The following RBM19 variants were observed in gnomAD, a reference collection of about 807,000 sequenced individuals.
RBM19 encodes the protein probable RNA-binding protein 19.
RBM19 carries 94 observed loss-of-function variants against 116.8 expected under a neutral mutation model. That is an observed-to-expected ratio of 0.80 (90% confidence interval 0.68 to 0.95). The LOEUF is 0.95. Ranked by LOEUF, RBM19 falls within the 40% of genes least tolerant of loss-of-function variation. RBM19 has a pLI of 0.00. For missense variants in RBM19, 1,161 were observed against 1,220.7 expected (o/e 0.95, Z 0.73); for synonymous variants, 475 against 494.1 (o/e 0.96, Z 0.51).
At chr12:113,838,816 G>C (rs1017003702) in intron 23 of RBM19, among the ~76,000 whole-genome samples, 2 of 152,238 alleles carry the variant, frequency 1.3e-5, no homozygotes, top group African/African-American at 2.4e-5. Flanking sequence ...GAGCTGGGAA[G>C]CTGAGCCCAG....
chr12:113,879,249 G>T (rs538113817), intron 21 of RBM19, among the ~76,000 whole-genome samples: 3 of 152,036 alleles, frequency 2.0e-5, no homozygotes, highest in Admixed American at 2.0e-4. Context: ...TGCATGTTAT[G>T]TTCATTGCAG....
intron 21 of RBM19, among the ~76,000 whole-genome samples, chr12:113,909,353 T>TTGGCCTCCTG (rs554668668): frequency 0.012 from 1,824 of 152,228 alleles, 12 homozygotes; most frequent in South Asian, 0.022. Context: ...ACTCCTAGCT[T>TTGGCCTCCTG]CAAAGGATCC....
At chr12:113,917,360 T>C (rs1433132961) in intron 20 of RBM19, among the ~76,000 whole-genome samples, 2 of 152,204 alleles carry the variant, frequency 1.3e-5, no homozygotes, top group Non-Finnish European at 2.9e-5. Context: ...AAGTCACCCA[T>C]GCAAGGTCAC....
intron 23 of RBM19, among the ~76,000 whole-genome samples, chr12:113,841,097 T>A (rs1360054649): frequency 6.6e-6 from 1 of 152,148 alleles, no homozygotes. Context: ...TCAGAGGGAC[T>A]CAGAGGGGTG....
At chr12:113,950,879 C>A (rs1467778572) in intron 8 of RBM19, among the ~76,000 whole-genome samples, 1 of 152,102 alleles carries the variant, frequency 6.6e-6, no homozygotes, top group Non-Finnish European at 1.5e-5. Flanking sequence ...TAAACATCTT[C>A]CGTCCTTTTC....
intron 21 of RBM19, among the ~76,000 whole-genome samples, chr12:113,862,671 T>C (rs1052707778): frequency 8.6e-5 from 13 of 152,038 alleles, no homozygotes; most frequent in African/African-American, 3.1e-4. Context: ...CACCAGGGAC[T>C]GGGGAGGAAG....
intron 21 of RBM19, among the ~76,000 whole-genome samples, chr12:113,891,339 C>T (rs959692464): frequency 2.0e-5 from 3 of 152,218 alleles, no homozygotes; most frequent in Admixed American, 6.5e-5. Flanking sequence ...AACATTAGCA[C>T]AACTTGTTTA....
intron 16 of RBM19, among the ~76,000 whole-genome samples, chr12:113,933,840 G>A (rs1869826790): frequency 6.6e-6 from 1 of 152,252 alleles, no homozygotes; most frequent in Non-Finnish European, 1.5e-5. Flanking sequence ...AGTTCCTGGG[G>A]AAGGGGGTCT....
intron 13 of RBM19, among the ~76,000 whole-genome samples, chr12:113,944,878 T>C (rs1053581631): frequency 1.4e-5 from 2 of 144,088 alleles, no homozygotes; most frequent in African/African-American, 5.2e-5. Context: ...TATATATATA[T>C]ACACATTTAT....
At position 113,959,406 on chromosome 12, in the gene RBM19, T is replaced by C; in HGVS notation, c.379-2A>G. On this transcript the variant is annotated splice_acceptor_variant, in intron 4 of 23. Coordinates refer to ENST00000261741, the MANE Select transcript of RBM19 (RefSeq NM_016196.4). LOFTEE classifies it high-confidence loss of function. ...CTGGAACTCTGTATCCTCCTTCAGC[T>C]GGTGGCACCAGAACCCGGGCGGCAG... is the stretch of plus-strand genomic sequence containing the variant. 2 of 1,597,584 alleles carry C rather than the reference T, an allele frequency of 1.3e-6. No individual in the cohort carries two copies. Among genetic ancestry groups the C allele is most frequent in the East Asian group, 2.3e-5 (1 of 44,414 alleles).
intron 21 of RBM19, among the ~76,000 whole-genome samples, chr12:113,867,879 A>G (rs956313344): frequency 2.0e-5 from 3 of 152,154 alleles, no homozygotes; most frequent in Non-Finnish European, 4.4e-5. Flanking sequence ...CAGAGAGCCG[A>G]GATTGCACCA....
At chr12:113,828,316 C>T (rs1875057531) in intron 23 of RBM19, among the ~76,000 whole-genome samples, 1 of 152,120 alleles carries the variant, frequency 6.6e-6, no homozygotes, top group African/African-American at 2.4e-5. Context: ...GACCTGTCCC[C>T]TCCCTGCCTA....
At chr12:113,959,016 T>C (rs1463017979) in intron 5 of RBM19, among the ~76,000 whole-genome samples, 196 bp downstream of exon 5, 1 of 152,218 alleles carries the variant, frequency 6.6e-6, no homozygotes, top group African/African-American at 2.4e-5. Flanking sequence ...TCAAGAAATA[T>C]TTGTTGACTG....
At chr12:113,867,105 T>G (rs1878869685) in intron 21 of RBM19, among the ~76,000 whole-genome samples, 1 of 152,222 alleles carries the variant, frequency 6.6e-6, no homozygotes, top group Non-Finnish European at 1.5e-5. Context: ...CTTTGGCCCC[T>G]GCAGCCTACC....
intron 23 of RBM19, among the ~76,000 whole-genome samples, chr12:113,838,085 A>G (rs1429282988): frequency 1.3e-5 from 2 of 152,238 alleles, no homozygotes; most frequent in African/African-American, 2.4e-5. Flanking sequence ...GATTTACCCA[A>G]CGATTCCAGT....
intron 23 of RBM19, 90 bp downstream of exon 23, chr12:113,844,578 G>A (rs1039332584): frequency 1.3e-5 from 19 of 1,476,848 alleles, no homozygotes; most frequent in Non-Finnish European, 1.5e-5. Context: ...TAGCCTGCTG[G>A]GTCGAGGGCA....
intron 23 of RBM19, among the ~76,000 whole-genome samples, chr12:113,829,571 G>A (rs1875185428): frequency 6.6e-6 from 1 of 152,214 alleles, no homozygotes; most frequent in Non-Finnish European, 1.5e-5. Flanking sequence ...ATATGGCAGT[G>A]AACAAAACTC....
At chr12:113,960,273 C>A in intron 2 of RBM19, 95 bp from the exon 3 acceptor site, 1 of 1,538,936 alleles carries the variant, frequency 6.5e-7, no homozygotes, top group Non-Finnish European at 8.9e-7. Context: ...TTTCAGACAA[C>A]TGTCACTGCC....
At chr12:113,853,807 G>A (rs571288978) in intron 22 of RBM19, among the ~76,000 whole-genome samples, 3 of 152,332 alleles carry the variant, frequency 2.0e-5, no homozygotes, top group South Asian at 4.1e-4. Context: ...GCTAGTGGGG[G>A]CAGCTGACTG....
Sources: allele counts gnomAD v4.1 joint callset (sites outside exome capture counted in the v4.1 genomes callset), GRCh38; gene constraint gnomAD v4.1.1; transcripts MANE v1.5; gene names NCBI Gene and HGNC (gene_info 2026-07-23, HGNC 2026-07-21).